COL22A1: variants seen among roughly 807,000 people sequenced by gnomAD.
COL22A1 encodes the protein collagen type XXII alpha 1 chain, also known as collagen alpha-1(XXII) chain.
Under a neutral mutation model 248.9 loss-of-function variants are expected in COL22A1, and 221 were observed. The observed-to-expected ratio is 0.89, with a 90% CI of 0.80 to 0.99. The LOEUF (loss-of-function observed/expected upper bound fraction) is 0.99. Among genes scored for constraint, COL22A1 ranks in the 50% least tolerant of loss-of-function variants. The pLI, the probability that COL22A1 is intolerant of heterozygous loss-of-function variation, is 0.00. For missense variants in COL22A1, 2,240 were observed against 2,179.0 expected, an observed-to-expected ratio of 1.03 and a Z score of -0.56; for synonymous variants, 891 against 793.4, an observed-to-expected ratio of 1.12 and a Z score of -2.07.
At chr8:138,672,617 G>C (rs1355555055) in intron 41 of COL22A1, among the ~76,000 whole-genome samples, 1 of 152,166 alleles carries the variant, frequency 6.6e-6, no homozygotes, top group Middle Eastern at 3.2e-3. Flanking sequence ...CTAATTCCAG[G>C]GAGGGACAGT....
intron 2 of COL22A1, among the ~76,000 whole-genome samples, chr8:138,882,221 C>T (rs78478951): frequency 0.047 from 7,093 of 152,038 alleles, 590 homozygotes; most frequent in African/African-American, 0.16. Context: ...GCAACTCATT[C>T]CCTCTCTCTG....
At chr8:138,813,819 C>T (rs900467025) in intron 7 of COL22A1, among the ~76,000 whole-genome samples, 1 of 152,154 alleles carries the variant, frequency 6.6e-6, no homozygotes, top group Non-Finnish European at 1.5e-5. Flanking sequence ...AGGTCACCAG[C>T]ACTGCATTGA....
chr8:138,806,296 G>A (rs1159686588), intron 10 of COL22A1, among the ~76,000 whole-genome samples: 1 of 151,472 alleles, frequency 6.6e-6, no homozygotes, highest in African/African-American at 2.4e-5. Flanking sequence ...GATGGTGTGT[G>A]TGTGATGTTG....
intron 1 of COL22A1, among the ~76,000 whole-genome samples, chr8:138,886,427 G>A (rs1179872743): frequency 3.3e-5 from 5 of 152,150 alleles, no homozygotes; most frequent in African/African-American, 7.2e-5. Flanking sequence ...AAGAGCAGAG[G>A]GGAAGGAGGA....
intron 12 of COL22A1, among the ~76,000 whole-genome samples, chr8:138,781,936 C>G (rs1394262222): frequency 6.6e-6 from 1 of 152,200 alleles, no homozygotes; most frequent in African/African-American, 2.4e-5. Context: ...TTATAAAACA[C>G]TATGTGCCAA....
chr8:138,684,544 G>T, intron 38 of COL22A1, 75 bp from the exon 39 acceptor site: 1 of 1,018,420 alleles, frequency 9.8e-7, no homozygotes, highest in South Asian at 1.3e-5. Flanking sequence ...GTGCCAGGCT[G>T]ACTGCATCCT....
At chr8:138,748,014 G>C (rs551884889) in intron 22 of COL22A1, among the ~76,000 whole-genome samples, 1 of 152,190 alleles carries the variant, frequency 6.6e-6, no homozygotes, top group African/African-American at 2.4e-5. Context: ...AGTCCAGGTC[G>C]AAGCTGAGGG....
At chr8:138,742,456 AGTGATT>A (rs1204281912) in intron 22 of COL22A1, among the ~76,000 whole-genome samples, 1 of 141,992 alleles carries the variant, frequency 7.0e-6, no homozygotes, top group East Asian at 2.1e-4. Context: ...TGATGGTACT[AGTGATT>A]GTGATGGTGA....
At chr8:138,779,667 C>G (rs1814785434) in intron 13 of COL22A1, 105 bp from the exon 14 acceptor site, 1 of 745,806 alleles carries the variant, frequency 1.3e-6, no homozygotes, top group Non-Finnish European at 2.4e-6. Context: ...CAGCTCAGAA[C>G]ACATCACAGA....
intron 32 of COL22A1, among the ~76,000 whole-genome samples, chr8:138,697,844 T>C (rs1045676169): frequency 1.3e-5 from 2 of 152,218 alleles, no homozygotes; most frequent in Admixed American, 1.3e-4. Flanking sequence ...GTTGCCATGG[T>C]GACGAAGCCA....
At chr8:138,636,228 CAG>C (rs1821145873) in intron 48 of COL22A1, among the ~76,000 whole-genome samples, 2 of 151,944 alleles carry the variant, frequency 1.3e-5, no homozygotes, top group South Asian at 4.2e-4. Context: ...CTCAGATCCA[CAG>C]AGAGAGCAGT....
intron 12 of COL22A1, among the ~76,000 whole-genome samples, chr8:138,796,089 A>G (rs1317114): frequency 0.41 from 62,065 of 151,954 alleles, 16,262 homozygotes; most frequent in African/African-American, 0.75. Flanking sequence ...TTTTTCTTTC[A>G]TTTTTTAAAT....
At chr8:138,804,766 GGTGT>G (rs373389295) in intron 10 of COL22A1, among the ~76,000 whole-genome samples, 14 of 147,996 alleles carry the variant, frequency 9.5e-5, no homozygotes, top group African/African-American at 3.6e-4. Context: ...GTGTGTGATG[GGTGT>G]GTGTGTGATG....
At chr8:138,897,681 T>C (rs1563901140) in intron 1 of COL22A1, among the ~76,000 whole-genome samples, 1 of 152,018 alleles carries the variant, frequency 6.6e-6, no homozygotes, top group African/African-American at 2.4e-5. Flanking sequence ...ATATGTTTAA[T>C]AAAAACTCAG....
intron 1 of COL22A1, among the ~76,000 whole-genome samples, chr8:138,889,554 G>C (rs182647296): frequency 3.7e-4 from 56 of 152,246 alleles, no homozygotes; most frequent in African/African-American, 1.3e-3. Context: ...CACACTCTGA[G>C]GACTGTTGTG....
At chr8:138,712,930 C>T (rs555294502) in intron 30 of COL22A1, among the ~76,000 whole-genome samples, 13 of 152,016 alleles carry the variant, frequency 8.6e-5, no homozygotes, top group Non-Finnish European at 1.3e-4. Flanking sequence ...GCAGAGGGTA[C>T]GTGTTCTATC....
At chr8:138,727,173 C>T (rs1644194320) in intron 23 of COL22A1, among the ~76,000 whole-genome samples, 2 of 152,178 alleles carry the variant, frequency 1.3e-5, no homozygotes, top group African/African-American at 4.8e-5. Flanking sequence ...GAGTTCACCA[C>T]GCCCTCCTCC....
At chr8:138,876,862 C>G (rs889166088) in intron 3 of COL22A1, among the ~76,000 whole-genome samples, 1 of 152,246 alleles carries the variant, frequency 6.6e-6, no homozygotes, top group African/African-American at 2.4e-5. Flanking sequence ...TCAGCCTGAC[C>G]GGCTTCAAAG....
chr8:138,786,875 G>A (rs1290238956), intron 12 of COL22A1, among the ~76,000 whole-genome samples: 1 of 152,090 alleles, frequency 6.6e-6, no homozygotes, highest in African/African-American at 2.4e-5. Context: ...CTGCACTCCA[G>A]CCTGGCAGCC....
Sources: gnomAD v4.1 joint callset for allele counts (sites outside exome capture counted in the v4.1 genomes callset) on GRCh38, gnomAD v4.1.1 for gene constraint, MANE v1.5 for transcripts, NCBI Gene and HGNC (gene_info 2026-07-23, HGNC 2026-07-21) for gene names.